The following GRB14 variants were observed in gnomAD, a reference collection of about 807,000 sequenced individuals.
The protein encoded by GRB14 is growth factor receptor bound protein 14.
In GRB14, 38 loss-of-function variants were observed where a neutral mutation model predicts 69.1. The observed-to-expected ratio is 0.55, with a 90% CI of 0.42 to 0.72. GRB14 has a LOEUF of 0.72. Among genes scored for constraint, GRB14 ranks in the 30% least tolerant of loss-of-function variants. The pLI is 0.00. For missense variants in GRB14, 666 were observed against 666.1 expected (o/e 1.00, Z 0.00); for synonymous variants, 247 against 241.3 (o/e 1.02, Z -0.22).
intron 2 of GRB14, among the ~76,000 whole-genome samples, chr2:164,616,425 CAAAAAAAAA>C: frequency 1.5e-5 from 1 of 66,662 alleles, no homozygotes; most frequent in East Asian, 6.0e-4. Flanking sequence ...GACTCCGTCT[CAAAAAAAAA>C]AAAAAAAAAA....
At chr2:164,509,836 A>G (rs1274345684) in intron 6 of GRB14, among the ~76,000 whole-genome samples, 2 of 151,016 alleles carry the variant, frequency 1.3e-5, no homozygotes, top group African/African-American at 4.9e-5. Flanking sequence ...GAACACACTG[A>G]GCAAAACGGG....
At chr2:164,617,969 G>GT (rs1690343109) in intron 2 of GRB14, among the ~76,000 whole-genome samples, 1 of 135,672 alleles carries the variant, frequency 7.4e-6, no homozygotes, top group Non-Finnish European at 1.6e-5. Flanking sequence ...TGGGGGGGGG[G>GT]GGGTAGTGTC....
In GRB14 at chr2:164,621,467, C is replaced by A; in HGVS notation, c.-158G>T. ...TCGGGGCCCCGGCGGCTGAGACGCG[C>A]GGCCGAGCTATCTGCGAGGCGGCGG... On this transcript the variant is annotated 5_prime_UTR_variant, in exon 1 of 14. Coordinates refer to ENST00000263915, the MANE Select transcript of GRB14 (RefSeq NM_004490.3). The surrounding 1 kb of genome is among the most constrained non-coding windows in gnomAD (Gnocchi z 6.0). The A allele has an allele frequency of 5.2e-6, 1 of 191,348 alleles. No individual in the cohort carries two copies. Among genetic ancestry groups the A allele is most frequent in the South Asian group, 2.1e-4 (1 of 4,844 alleles). 11.9% of individuals were successfully genotyped at this position (191,348 alleles called of 1,614,324 possible).
At chr2:164,599,918 A>G (rs1294443432) in intron 2 of GRB14, among the ~76,000 whole-genome samples, 6 of 152,226 alleles carry the variant, frequency 3.9e-5, no homozygotes, top group African/African-American at 1.4e-4. Flanking sequence ...CACTGTTTAT[A>G]ATGTAATGCG....
At chr2:164,564,204 G>A (rs1438780523) in intron 2 of GRB14, among the ~76,000 whole-genome samples, 6 of 152,164 alleles carry the variant, frequency 3.9e-5, no homozygotes, top group Non-Finnish European at 1.5e-5. Context: ...CACAATTCTG[G>A]GAGCAGAAGT....
At chr2:164,576,797 A>G (rs530098819) in intron 2 of GRB14, among the ~76,000 whole-genome samples, 1 of 149,406 alleles carries the variant, frequency 6.7e-6, no homozygotes, top group Non-Finnish European at 1.5e-5. Context: ...GAATAAACTA[A>G]TAAATATAAA....
chr2:164,517,762 G>A (rs1387217988), intron 6 of GRB14, among the ~76,000 whole-genome samples: 1 of 152,040 alleles, frequency 6.6e-6, no homozygotes, highest in Non-Finnish European at 1.5e-5. Context: ...AGTTAAAAAA[G>A]ACAAAGAGGG....
At chr2:164,571,692 G>C (rs1178953063) in intron 2 of GRB14, among the ~76,000 whole-genome samples, 1 of 152,152 alleles carries the variant, frequency 6.6e-6, no homozygotes, top group Non-Finnish European at 1.5e-5. Flanking sequence ...TAAGGTACTA[G>C]CTATTGAATA....
intron 2 of GRB14, among the ~76,000 whole-genome samples, chr2:164,615,417 T>C (rs1172993282): frequency 6.6e-6 from 1 of 152,192 alleles, no homozygotes; most frequent in Non-Finnish European, 1.5e-5. Flanking sequence ...TATTAACAAA[T>C]GGCGTTTGTC....
intron 2 of GRB14, among the ~76,000 whole-genome samples, chr2:164,560,180 C>T (rs989173699): frequency 6.6e-6 from 1 of 152,134 alleles, no homozygotes; most frequent in Non-Finnish European, 1.5e-5. Flanking sequence ...AGTATTTAGG[C>T]TGCTTTAAGC....
intron 2 of GRB14, chr2:164,568,263 A>G (rs1004452660): frequency 1.5e-5 from 17 of 1,123,914 alleles, no homozygotes; most frequent in South Asian, 2.7e-5. Flanking sequence ...GTAACAGGGG[A>G]AAAAAAGCAG....
At chr2:164,551,843 G>A (rs1688548185) in intron 2 of GRB14, among the ~76,000 whole-genome samples, 1 of 152,140 alleles carries the variant, frequency 6.6e-6, no homozygotes. Flanking sequence ...GTTTTGTGCT[G>A]ATATTAAGGA....
intron 3 of GRB14, among the ~76,000 whole-genome samples, chr2:164,534,051 T>A (rs1194102350): frequency 1.3e-5 from 2 of 151,740 alleles, no homozygotes; most frequent in Non-Finnish European, 1.5e-5. Context: ...AGAAATAGAG[T>A]ATGTGAGAAA....
At position 164,596,040 on chromosome 2, in the gene GRB14, C is replaced by T. The variant is rs13416702; in HGVS notation, c.324+23647G>A. On this transcript the variant is annotated intron_variant, in intron 2 of 13. Transcript: ENST00000263915. Reference sequence around the variant, plus strand: ...TCGGAAGGCTGAGGCAGGAGAATCGCTTGAACCCAGGAGGCAGAGGTTGCA... The same window carrying T: ...TCGGAAGGCTGAGGCAGGAGAATCGTTTGAACCCAGGAGGCAGAGGTTGCA... Among the ~76,000 whole-genome samples the T allele has an allele frequency of 7.2e-3, 1,091 of 152,296 alleles. 10 individuals are homozygous for T. Among genetic ancestry groups the T allele is most frequent in the African/African-American group, 0.024 (1,015 of 41,572 alleles).
Position 164,565,726 on chromosome 2 carries a change from C to CTTA in GRB14, c.325-17913_325-17911dup, listed in dbSNP as rs1187652983. 4.6e-5 allele frequency among the ~76,000 whole-genome samples: 7 copies of CTTA among 152,312 alleles called. No homozygotes were observed. The East Asian group carries it at 9.7e-4, about 21-fold the overall frequency. On this transcript the variant is annotated intron_variant, in intron 2 of 13. Transcript: ENST00000263915. ...CATGAGGAACGTTCTTCACCAGAAC[C>CTTA]TTAATTCACTTAAATCAGAGAAATC...
intron 2 of GRB14, among the ~76,000 whole-genome samples, chr2:164,598,510 C>G (rs1328463724): frequency 6.6e-6 from 1 of 152,098 alleles, no homozygotes; most frequent in Admixed American, 6.5e-5. Context: ...TGGAATGTAA[C>G]TTTTTATAAT....
chr2:164,613,913 G>C (rs1428036413), intron 2 of GRB14, among the ~76,000 whole-genome samples: 5 of 152,174 alleles, frequency 3.3e-5, no homozygotes, highest in African/African-American at 1.2e-4. Context: ...TTTGAAAATG[G>C]TAGAGATTAA....
intron 2 of GRB14, among the ~76,000 whole-genome samples, chr2:164,569,369 C>T (rs567513282): frequency 8.5e-5 from 13 of 152,054 alleles, no homozygotes; most frequent in Admixed American, 3.3e-4. Flanking sequence ...TCAAAAATGA[C>T]AAAAAGGATT....
chr2:164,513,782 T>C (rs923679795), intron 6 of GRB14, among the ~76,000 whole-genome samples: 1 of 152,040 alleles, frequency 6.6e-6, no homozygotes, highest in Non-Finnish European at 1.5e-5. Flanking sequence ...AAAAAGACAG[T>C]TTAACCCATA....
Sources: allele counts gnomAD v4.1 joint callset (sites outside exome capture counted in the v4.1 genomes callset), GRCh38; gene constraint gnomAD v4.1.1; non-coding constraint Gnocchi (gnomAD v3.1); transcripts MANE v1.5; gene names NCBI Gene and HGNC (gene_info 2026-07-23, HGNC 2026-07-21).